SACS: variants seen among roughly 807,000 people sequenced by gnomAD.
SACS encodes the protein sacsin.
SACS carries 197 observed loss-of-function variants against 348.0 expected under a neutral mutation model. That is an observed-to-expected ratio of 0.57 (90% CI 0.50 to 0.64). The LOEUF (loss-of-function observed/expected upper bound fraction) is 0.64, where lower values mean the gene tolerates loss of function less well. SACS is among the 30% of genes least tolerant of loss of function. The probability of loss-of-function intolerance (pLI) is 0.00; values close to 1 mark genes in which losing one functional copy is unlikely to be tolerated. For synonymous variants in SACS, 1,985 were observed against 1,910.6 expected, an observed-to-expected ratio of 1.04 and a Z score of -1.02; for missense variants, 4,999 against 5,360.8, an observed-to-expected ratio of 0.93 and a Z score of 2.11.
chr13:23,375,480 C>A (rs1366330954), intron 2 of SACS: 4 of 1,156,818 alleles, frequency 3.5e-6, no homozygotes, highest in Non-Finnish European at 4.3e-6. Context: ...ATGGCGCAGT[C>A]CCGTACGCAG....
chr13:23,362,967 T>TAGTGG (rs1204289495), intron 6 of SACS, among the ~76,000 whole-genome samples: 1 of 151,644 alleles, frequency 6.6e-6, no homozygotes, highest in Admixed American at 6.6e-5. Flanking sequence ...TGGACTGCAA[T>TAGTGG]GGCACAGTCT....
intron 2 of SACS, among the ~76,000 whole-genome samples, chr13:23,388,996 T>C (rs1364228536): frequency 6.6e-6 from 1 of 152,138 alleles, no homozygotes; most frequent in Non-Finnish European, 1.5e-5. Context: ...ATTCAAAAAA[T>C]ACATAACATG....
At chr13:23,377,951 G>A (rs1295686562) in intron 2 of SACS, among the ~76,000 whole-genome samples, 2 of 152,206 alleles carry the variant, frequency 1.3e-5, no homozygotes, top group African/African-American at 4.8e-5. Flanking sequence ...CAATTACCAT[G>A]TGCCAGAAAA....
intron 4 of SACS, among the ~76,000 whole-genome samples, chr13:23,369,670 G>C (rs1871266161): frequency 6.6e-6 from 1 of 151,242 alleles, no homozygotes; most frequent in East Asian, 2.0e-4. Context: ...TCAGCCTCCT[G>C]AGTAGCTGGG....
At chr13:23,352,062 C>T (rs1362175588) in intron 9 of SACS, among the ~76,000 whole-genome samples, 1 of 152,184 alleles carries the variant, frequency 6.6e-6, no homozygotes, top group Non-Finnish European at 1.5e-5. Context: ...GTTGTAGCCA[C>T]ACTCTGTGCC....
chr13:23,375,540 G>A lies in SACS; in HGVS notation c.21-271C>T, dbSNP rs1254312151. On this transcript the variant is annotated intron_variant, in intron 2 of 9. Transcript: ENST00000382292. The stretch of plus-strand genomic sequence containing the variant: ...TAGAGGAAGCCGCGGCGGCCGAGGA[G>A]CAGGCGGGGGCGGGGACTGCGCGCT... 13 of 1,067,684 alleles carry A rather than the reference G, an allele frequency of 1.2e-5. No individual in the cohort carries two copies. The East Asian group carries it at 7.8e-4, about 64-fold the overall frequency. 66.1% of individuals were successfully genotyped at this position (1,067,684 alleles called of 1,614,324 possible).
intron 9 of SACS, among the ~76,000 whole-genome samples, chr13:23,348,065 T>C (rs1032834804): frequency 6.6e-6 from 1 of 152,200 alleles, no homozygotes; most frequent in Non-Finnish European, 1.5e-5. Context: ...TAAACTGTTC[T>C]TGTTTCCTTT....
At chr13:23,426,639 CAAAAA>C (rs34125695) in intron 1 of SACS, among the ~76,000 whole-genome samples, 10 of 113,094 alleles carry the variant, frequency 8.8e-5, no homozygotes, top group Non-Finnish European at 1.1e-4. Flanking sequence ...GACTCCGTCT[CAAAAA>C]AAAAAAAAAA....
At chr13:23,349,268 C>A (rs1023933635) in intron 9 of SACS, among the ~76,000 whole-genome samples, 2 of 152,134 alleles carry the variant, frequency 1.3e-5, no homozygotes, top group African/African-American at 4.8e-5. Context: ...GTCAACAGAT[C>A]CTGGAGACTG....
intron 1 of SACS, among the ~76,000 whole-genome samples, chr13:23,422,372 T>C (rs537906934): frequency 2.6e-5 from 4 of 152,308 alleles, no homozygotes; most frequent in Admixed American, 6.5e-5. Context: ...TATCGTTTTA[T>C]ACAACCTAAG....
chr13:23,340,442 G>T lies in SACS; in HGVS notation c.3434C>A (p.Ser1145Tyr). ...TTTCTTCAATGTCATCTTTCCTTCAGATGATTGCAACAGTGTGTGATTCTT... is the reference window on the plus strand; with the variant it reads ...TTTCTTCAATGTCATCTTTCCTTCATATGATTGCAACAGTGTGTGATTCTT... ...LNKNHTLLQS[S>Y]EGKMTLKKIK... is the part of the protein sequence containing the mutation. Residue 1145 changes from serine to tyrosine, a missense_variant, in exon 10 of 10, where the codon TCT (serine) becomes TAT (tyrosine). Physicochemically the swap from Ser to Tyr is moderately radical, Grantham distance 144 (BLOSUM62 -2). Transcript: ENST00000382292. The T allele has an allele frequency of 6.2e-7, 1 of 1,614,100 alleles. No homozygotes were observed. The highest frequency in any genetic ancestry group is 8.5e-7 in the Non-Finnish European group (1 of 1,180,024).
rs774430587 is a variant in SACS at position 23,341,181 on chromosome 13, G to T, written c.2695C>A (p.His899Asn). The change falls in exon 10 of 10, where the codon CAC becomes AAC. Residue 899 changes from histidine to asparagine, a missense_variant. Physicochemically the swap from His to Asn is moderately conservative, Grantham distance 68 (BLOSUM62 1). Around this residue, in one of 6 missense-constraint regions of SACS, gnomAD observed 3,156 missense variants for 3,380.1 expected, o/e 0.93. Transcript: ENST00000382292. ...CNQITSLLPT[H>N]KDALRKFLAS... is the part of the protein sequence containing the mutation. ...AAGAACTTCCTCAGGGCATCTTTGT[G>T]TGTTGGAAGTAGCGAAGTTATTTGA... The T allele has an allele frequency of 3.1e-6, 5 of 1,613,492 alleles. No homozygotes were observed. The South Asian group carries it at 5.5e-5, about 18-fold the overall frequency.
At chr13:23,419,691 G>T (rs577184456) in intron 1 of SACS, among the ~76,000 whole-genome samples, 14 of 152,248 alleles carry the variant, frequency 9.2e-5, no homozygotes, top group African/African-American at 3.4e-4. Context: ...CGGACTAGTT[G>T]AGCAGCATTG....
chr13:23,405,699 A>G (rs1005353937), intron 2 of SACS, among the ~76,000 whole-genome samples: 2 of 146,898 alleles, frequency 1.4e-5, no homozygotes, highest in African/African-American at 5.2e-5. Flanking sequence ...ATCTACAAGG[A>G]AAAAAAAAAC....
chr13:23,345,948 G>C (rs1869572248), intron 9 of SACS, among the ~76,000 whole-genome samples: 1 of 152,110 alleles, frequency 6.6e-6, no homozygotes, highest in Non-Finnish European at 1.5e-5. Flanking sequence ...ACGAGGCACT[G>C]TAAGAACAAT....
intron 2 of SACS, among the ~76,000 whole-genome samples, chr13:23,393,465 C>T (rs1872604868): frequency 6.6e-6 from 1 of 152,120 alleles, no homozygotes; most frequent in African/African-American, 2.4e-5. Context: ...CCCGTGTTCG[C>T]TGCTCATTTC....
intron 2 of SACS, among the ~76,000 whole-genome samples, chr13:23,391,788 G>A (rs771605803): frequency 6.8e-5 from 9 of 132,346 alleles, no homozygotes; most frequent in Non-Finnish European, 1.3e-4. Context: ...ATCCAGGAGG[G>A]AGAAAGGGAA....
intron 5 of SACS, among the ~76,000 whole-genome samples, chr13:23,366,826 TGG>T (rs1871095693): frequency 6.6e-6 from 1 of 152,220 alleles, no homozygotes; most frequent in Non-Finnish European, 1.5e-5. Flanking sequence ...TATTTGGTCT[TGG>T]GCAAGCCACT....
intron 1 of SACS, among the ~76,000 whole-genome samples, chr13:23,429,803 C>G (rs527940367): frequency 6.6e-6 from 1 of 152,272 alleles, no homozygotes; most frequent in East Asian, 1.9e-4. Flanking sequence ...ACATTAAAAT[C>G]TTGGGTACTT....
Sources: allele counts gnomAD v4.1 joint callset (sites outside exome capture counted in the v4.1 genomes callset), GRCh38; gene constraint gnomAD v4.1.1; regional missense constraint gnomAD v4.1.1; transcripts MANE v1.5; gene names NCBI Gene and HGNC (gene_info 2026-07-23, HGNC 2026-07-21).